Variants in DTNBP1 observed in about 807,000 individuals in gnomAD.
DTNBP1 encodes dysbindin.
Under a neutral mutation model 42.8 loss-of-function variants are expected in DTNBP1, and 35 were observed. That is an observed-to-expected ratio of 0.82 (90% confidence interval 0.63 to 1.09). The LOEUF (loss-of-function observed/expected upper bound fraction) is 1.09. Ranked by LOEUF, DTNBP1 falls within the 50% of genes least tolerant of loss-of-function variation. The pLI is 0.00. For missense variants in DTNBP1, 457 were observed against 424.2 expected, an observed-to-expected ratio of 1.08 and a Z score of -0.68; for synonymous variants, 171 against 162.2, an observed-to-expected ratio of 1.05 and a Z score of -0.41.
chr6:15,532,029 G>A (rs1312640283), intron 8 of DTNBP1, among the ~76,000 whole-genome samples: 2 of 152,240 alleles, frequency 1.3e-5, no homozygotes, highest in Non-Finnish European at 2.9e-5. Flanking sequence ...GCAGGATAGA[G>A]AGAACAAAGG....
At chr6:15,603,424 G>A (rs1238855219) in intron 6 of DTNBP1, among the ~76,000 whole-genome samples, 2 of 152,136 alleles carry the variant, frequency 1.3e-5, no homozygotes, top group Non-Finnish European at 2.9e-5. Flanking sequence ...TATTTTCCAT[G>A]TCTCTACTTC....
At chr6:15,534,047 G>A (rs953545135) in intron 7 of DTNBP1, among the ~76,000 whole-genome samples, 7 of 152,146 alleles carry the variant, frequency 4.6e-5, no homozygotes, top group East Asian at 1.9e-4. Context: ...CCGGAGTCAC[G>A]AAAAGGCAAA....
chr6:15,535,631 A>G (rs1320955666), intron 7 of DTNBP1, among the ~76,000 whole-genome samples: 2 of 152,104 alleles, frequency 1.3e-5, no homozygotes, highest in African/African-American at 2.4e-5. Context: ...GTATTTCTTT[A>G]TAGCAGTGTG....
intron 4 of DTNBP1, 118 bp downstream of exon 4, chr6:15,637,626 T>A (rs1748069093): frequency 1.8e-6 from 2 of 1,119,078 alleles, no homozygotes; most frequent in Admixed American, 3.7e-5. Flanking sequence ...TAGATTCAAT[T>A]TCAGATATCC....
chr6:15,593,134 A>G (rs1051474765), intron 6 of DTNBP1, 53 bp from the exon 7 acceptor site: 88 of 1,478,072 alleles, frequency 6.0e-5, no homozygotes, highest in Non-Finnish European at 7.7e-5. Context: ...AATCTCCCCA[A>G]TGAAAACTGT....
At chr6:15,640,258 C>T (rs77440225) in intron 3 of DTNBP1, among the ~76,000 whole-genome samples, 2 of 152,214 alleles carry the variant, frequency 1.3e-5, no homozygotes, top group East Asian at 1.9e-4. Flanking sequence ...AGGTATTACA[C>T]ATCTCATGCC....
intron 6 of DTNBP1, among the ~76,000 whole-genome samples, chr6:15,607,051 C>G (rs1369233382): frequency 1.4e-5 from 2 of 143,054 alleles, no homozygotes; most frequent in African/African-American, 5.4e-5. Flanking sequence ...CACTCTGTAA[C>G]CCAGGCTGGA....
At chr6:15,621,782 A>C (rs1759057219) in intron 5 of DTNBP1, among the ~76,000 whole-genome samples, 1 of 152,138 alleles carries the variant, frequency 6.6e-6, no homozygotes, top group Non-Finnish European at 1.5e-5. Flanking sequence ...CATTACAGCA[A>C]AACAAGAGGA....
chr6:15,661,283 G>C (rs1761600927), intron 1 of DTNBP1, among the ~76,000 whole-genome samples: 1 of 151,730 alleles, frequency 6.6e-6, no homozygotes, highest in Non-Finnish European at 1.5e-5. Context: ...GTACCCAGGA[G>C]TTGGAGGCTG....
chr6:15,546,019 A>C, intron 7 of DTNBP1: 1 of 440,612 alleles, frequency 2.3e-6, no homozygotes, highest in Non-Finnish European at 4.5e-6. Flanking sequence ...CATCGCCAGG[A>C]GGGTGGAGCT....
intron 5 of DTNBP1, among the ~76,000 whole-genome samples, chr6:15,618,639 T>C (rs1758856376): frequency 1.3e-5 from 2 of 152,062 alleles, no homozygotes; most frequent in Admixed American, 1.3e-4. Context: ...TTTAAATTAG[T>C]ATAACCACTA....
intron 7 of DTNBP1, among the ~76,000 whole-genome samples, chr6:15,558,990 C>T (rs766616467): frequency 1.3e-5 from 2 of 152,118 alleles, no homozygotes; most frequent in Non-Finnish European, 2.9e-5. Flanking sequence ...TTTTAGACTA[C>T]GGAAATGACA....
intron 6 of DTNBP1, among the ~76,000 whole-genome samples, chr6:15,604,057 C>A (rs1012062479): frequency 1.3e-5 from 2 of 152,240 alleles, no homozygotes; most frequent in South Asian, 4.1e-4. Flanking sequence ...CACTTCCCTG[C>A]AGTGCACCCT....
intron 6 of DTNBP1, among the ~76,000 whole-genome samples, chr6:15,601,668 AC>A (rs774797521): frequency 6.7e-6 from 1 of 150,064 alleles, no homozygotes; most frequent in Non-Finnish European, 1.5e-5. Flanking sequence ...AGATGGAGAA[AC>A]CCCGTCTCTA....
At chr6:15,578,861 C>T (rs1184951492) in intron 7 of DTNBP1, among the ~76,000 whole-genome samples, 2 of 152,108 alleles carry the variant, frequency 1.3e-5, no homozygotes, top group Non-Finnish European at 2.9e-5. Context: ...GTATCATCTC[C>T]TACAGTCAGA....
intron 7 of DTNBP1, among the ~76,000 whole-genome samples, chr6:15,570,662 T>C (rs1329786471): frequency 6.6e-6 from 1 of 152,268 alleles, no homozygotes; most frequent in Non-Finnish European, 1.5e-5. Context: ...TCACTTTCCT[T>C]CAAATTTCTT....
At chr6:15,547,509 G>A (rs887181328) in intron 7 of DTNBP1, among the ~76,000 whole-genome samples, 1 of 152,126 alleles carries the variant, frequency 6.6e-6, no homozygotes, top group Non-Finnish European at 1.5e-5. Flanking sequence ...GGAAACAGAC[G>A]AAGCAGCTGG....
chr6:15,603,254 T>C (rs1298160319), intron 6 of DTNBP1, among the ~76,000 whole-genome samples: 1 of 152,238 alleles, frequency 6.6e-6, no homozygotes, highest in Non-Finnish European at 1.5e-5. Flanking sequence ...GTCATTGGCC[T>C]AGTAAATGTG....
intron 7 of DTNBP1, among the ~76,000 whole-genome samples, chr6:15,573,261 A>G (rs1293446270): frequency 1.3e-5 from 2 of 152,134 alleles, no homozygotes; most frequent in South Asian, 2.1e-4. Context: ...CATCTTTATC[A>G]CCATATAGAA....
Sources: gnomAD v4.1 joint callset for allele counts (sites outside exome capture counted in the v4.1 genomes callset) on GRCh38, gnomAD v4.1.1 for gene constraint, MANE v1.5 for transcripts, NCBI Gene and HGNC (gene_info 2026-07-23, HGNC 2026-07-21) for gene names.